MICAL3: variants seen among roughly 807,000 people sequenced by gnomAD.
The protein encoded by MICAL3 is microtubule associated monooxygenase, calponin and LIM domain containing 3.
A neutral mutation model predicts 207.4 loss-of-function variants in MICAL3; 62 were observed. The observed-to-expected ratio is 0.30, with a 90% confidence interval of 0.24 to 0.37. The LOEUF (loss-of-function observed/expected upper bound fraction) is 0.37. Ranked by LOEUF, MICAL3 falls within the 10% of genes least tolerant of loss-of-function variation. MICAL3 has a pLI of 1.00. For synonymous variants in MICAL3, 1,077 were observed against 1,069.3 expected (o/e 1.01, Z -0.14); for missense variants, 2,368 against 2,635.6 (o/e 0.90, Z 2.22).
intron 1 of MICAL3, among the ~76,000 whole-genome samples, chr22:17,997,003 ACTTTGATTCT>A (rs1001663719): frequency 3.6e-5 from 5 of 140,450 alleles, no homozygotes; most frequent in African/African-American, 8.1e-5. Flanking sequence ...TCCACAAACC[ACTTTGATTCT>A]CTTTGATTCT....
intron 1 of MICAL3, among the ~76,000 whole-genome samples, chr22:17,940,717 G>A (rs1223294490): frequency 6.6e-6 from 1 of 152,138 alleles, no homozygotes; most frequent in Non-Finnish European, 1.5e-5. Context: ...AAACCAGGCA[G>A]AAGAGGCAGT....
At position 17,816,726 on chromosome 22, in the gene MICAL3, A is replaced by G. The variant is rs571317602; in HGVS notation, c.5409T>C (p.Asp1803=). 11 of 1,552,966 alleles carry G rather than the reference A, an allele frequency of 7.1e-6. No individual in the cohort carries two copies. The highest frequency in any genetic ancestry group is 1.9e-5 in the Admixed American group (1 of 51,298). ...FSEDSDLSSD[D]VLEKSSQKSR... Reference sequence around the variant, plus strand: ...ACTTCTGTGAGGACTTCTCAAGGACATCGTCGCTGGAGAGGTCTGAGTCCT... The same window carrying G: ...ACTTCTGTGAGGACTTCTCAAGGACGTCGTCGCTGGAGAGGTCTGAGTCCT... The change falls in exon 27 of 32, where the codon GAT becomes GAC. Residue 1803 remains aspartate (D), a synonymous_variant. Transcript: ENST00000441493.
At chr22:17,928,547 G>A (rs573541188) in intron 1 of MICAL3, among the ~76,000 whole-genome samples, 30 of 152,214 alleles carry the variant, frequency 2.0e-4, no homozygotes, top group African/African-American at 6.7e-4. Context: ...ACTGAGATAA[G>A]ACTACTGTGA....
chr22:17,810,295 C>CGT (rs2062033153), intron 28 of MICAL3, among the ~76,000 whole-genome samples: 1 of 152,124 alleles, frequency 6.6e-6, no homozygotes, highest in Non-Finnish European at 1.5e-5. Context: ...AATCTCCTGA[C>CGT]CTTGTGATCC....
At chr22:17,978,492 T>A (rs1203565143) in intron 1 of MICAL3, among the ~76,000 whole-genome samples, 2 of 151,952 alleles carry the variant, frequency 1.3e-5, no homozygotes, top group Admixed American at 1.3e-4. Flanking sequence ...AAACTCTGCA[T>A]ATAATAAAAC....
At chr22:18,004,183 G>A (rs1274550657) in intron 1 of MICAL3, 1 of 152,106 alleles carries the variant, frequency 6.6e-6, no homozygotes, top group Non-Finnish European at 1.5e-5. Flanking sequence ...GAAGCTGCTA[G>A]CTTACAGAGC....
intron 20 of MICAL3, among the ~76,000 whole-genome samples, chr22:17,835,689 C>T (rs1923286482): frequency 1.3e-5 from 2 of 152,240 alleles, no homozygotes; most frequent in Admixed American, 1.3e-4. Flanking sequence ...CTTTTCAGAA[C>T]TGCCTCCCAG....
At position 17,871,810 on chromosome 22, in the gene MICAL3, T is replaced by C. The variant is rs753659487; in HGVS notation, c.2428+27A>G. ...ACACTGTCCAAGCACAGTTTCTCAG[T>C]GGGGCCGGAGGCGCAGGGTGTCTCA... On this transcript the variant is annotated intron_variant, in intron 17 of 31. Coordinates refer to ENST00000441493, the MANE Select transcript of MICAL3 (RefSeq NM_015241.3). The C allele has an allele frequency of 2.2e-5, 34 of 1,571,326 alleles. No individual in the cohort carries two copies. In the Admixed American group the frequency reaches 5.5e-4, roughly 25 times the overall value.
chr22:17,814,305 T>C (rs1190176400), intron 27 of MICAL3: 2 of 152,254 alleles, frequency 1.3e-5, no homozygotes, highest in Non-Finnish European at 2.9e-5. Context: ...ACACGCTTCA[T>C]CTATATGTCA....
chr22:17,988,165 TG>T (rs994186674), intron 1 of MICAL3, among the ~76,000 whole-genome samples: 2 of 152,186 alleles, frequency 1.3e-5, no homozygotes, highest in Non-Finnish European at 2.9e-5. Context: ...GTCATACTCC[TG>T]GCACTTGGAA....
chr22:17,879,104 C>T (rs978574561), intron 16 of MICAL3, among the ~76,000 whole-genome samples: 6 of 152,164 alleles, frequency 3.9e-5, no homozygotes, highest in Admixed American at 6.5e-5. Context: ...CTTTACAATA[C>T]GCACATTTAG....
In MICAL3 at chr22:18,001,341, G is replaced by C. The variant is rs551495996; in HGVS notation, c.-75+22940C>G. The C allele has an allele frequency of 4.6e-5, 7 of 152,346 alleles. No individual in the cohort carries two copies. The South Asian group carries it at 1.4e-3, about 32-fold the overall frequency. 9.4% of individuals were successfully genotyped at this position (152,346 alleles called of 1,614,324 possible). ...CCGAGCTCGGGCGCGAGCAGGATGCGGCTCCCCGGGGACGGTTGGCGCGGG... is the reference window on the plus strand; with the variant it reads ...CCGAGCTCGGGCGCGAGCAGGATGCCGCTCCCCGGGGACGGTTGGCGCGGG... On this transcript the variant is annotated intron_variant, in intron 1 of 31. Coordinates refer to ENST00000441493, the MANE Select transcript of MICAL3 (RefSeq NM_015241.3).
intron 1 of MICAL3, among the ~76,000 whole-genome samples, chr22:18,021,069 T>TA (rs1924443279): frequency 6.6e-6 from 1 of 152,252 alleles, no homozygotes; most frequent in African/African-American, 2.4e-5. Context: ...ATGTCTCCAC[T>TA]AGTCCCACTC....
chr22:17,861,140 A>C, intron 19 of MICAL3: 1 of 985,404 alleles, frequency 1.0e-6, no homozygotes, highest in Non-Finnish European at 1.2e-6. Context: ...GGACGTGGGA[A>C]GCAGTAAGAC....
Position 17,818,363 on chromosome 22 carries a change from C to T in MICAL3, c.4298G>A (p.Ser1433Asn), listed in dbSNP as rs770960991. 35 of 1,600,660 alleles carry T rather than the reference C, an allele frequency of 2.2e-5. No homozygotes were observed. Among genetic ancestry groups the T allele is most frequent in the Admixed American group, 8.4e-5 (5 of 59,512 alleles). The part of the protein sequence containing the change: ...SSSSGLGLHG[S>N]SSNMKTLGSQ... ...GCCCAGTGTCTTCATGTTGGAGGAGCTCCCGTGCAGGCCCAGGCCAGAGCT... is the reference window on the plus strand; with the variant it reads ...GCCCAGTGTCTTCATGTTGGAGGAGTTCCCGTGCAGGCCCAGGCCAGAGCT... Residue 1433 changes from serine to asparagine, a missense_variant, in exon 26 of 32, where the codon AGC becomes AAC. By Grantham distance (46) the Ser-to-Asn change is conservative. Transcript: ENST00000441493.
chr22:17,980,717 C>T (rs145114071), intron 1 of MICAL3, among the ~76,000 whole-genome samples: 1 of 152,340 alleles, frequency 6.6e-6, no homozygotes, highest in East Asian at 1.9e-4. Flanking sequence ...CCAGCCACAC[C>T]CACTTTCTCC....
At chr22:17,858,407 T>C (rs1569098045) in intron 19 of MICAL3, 8 of 947,158 alleles carry the variant, frequency 8.4e-6, no homozygotes, top group Non-Finnish European at 1.0e-5. Context: ...AGGTAAGGGC[T>C]GGTTTTTGAG....
At chr22:18,015,175 A>G (rs1339108064) in intron 1 of MICAL3, among the ~76,000 whole-genome samples, 1 of 152,192 alleles carries the variant, frequency 6.6e-6, no homozygotes, top group Non-Finnish European at 1.5e-5. Context: ...GTTAAATGAC[A>G]GCAAGAGGAA....
chr22:17,990,565 G>T (rs1228427635), intron 1 of MICAL3, among the ~76,000 whole-genome samples: 2 of 152,116 alleles, frequency 1.3e-5, no homozygotes, highest in African/African-American at 2.4e-5. Context: ...GGAGGATAAG[G>T]AACACACTCC....
Sources: allele counts gnomAD v4.1 joint callset (sites outside exome capture counted in the v4.1 genomes callset), GRCh38; gene constraint gnomAD v4.1.1; transcripts MANE v1.5; gene names NCBI Gene and HGNC (gene_info 2026-07-23, HGNC 2026-07-21).